MYO9A: variants seen among roughly 807,000 people sequenced by gnomAD.
MYO9A encodes the protein myosin IXA.
A neutral mutation model predicts 293.3 loss-of-function variants in MYO9A; 103 were observed. The ratio of observed to expected loss-of-function variants is 0.35; its 90% confidence interval spans 0.30 to 0.41. The LOEUF (loss-of-function observed/expected upper bound fraction) is 0.41. Among genes scored for constraint, MYO9A ranks in the 10% least tolerant of loss-of-function variants. The pLI, the probability that MYO9A is intolerant of heterozygous loss-of-function variation, is 1.00. For missense variants in MYO9A, 2,685 were observed against 3,033.0 expected (o/e 0.89, Z 2.69); for synonymous variants, 1,001 against 1,035.7 (o/e 0.97, Z 0.64).
At chr15:71,856,164 A>G (rs1223667247) in intron 34 of MYO9A, among the ~76,000 whole-genome samples, 1 of 152,044 alleles carries the variant, frequency 6.6e-6, no homozygotes, top group Non-Finnish European at 1.5e-5. Context: ...TACAAAAATT[A>G]GCCAGGCATA....
chr15:72,016,929 T>C (rs908831859), intron 6 of MYO9A, among the ~76,000 whole-genome samples: 3 of 151,458 alleles, frequency 2.0e-5, no homozygotes, highest in Non-Finnish European at 4.4e-5. Context: ...TTAAAGACCA[T>C]TATTAACCCC....
chr15:72,117,837 G>T lies in MYO9A; in HGVS notation c.-229C>A. The T allele has an allele frequency of 2.5e-6, 1 of 398,630 alleles. No individual in the cohort carries two copies. The highest frequency in any genetic ancestry group is 3.6e-5 in the East Asian group (1 of 28,058). The allele number at this position is 398,630 out of a possible 1,614,324, so 24.7% of individuals were successfully genotyped here. ...GGTGGGCCCAGCAGCCTCAGGGTCC[G>T]GGCGAGCGGCCGCGGCGCATCCCCC... On this transcript the variant is annotated 5_prime_UTR_variant, in exon 1 of 42. Transcript: ENST00000356056.
At position 71,867,798 on chromosome 15, in the gene MYO9A, TCACACACACACACACACACACACA is replaced by T. The variant is rs57300333; in HGVS notation, c.5980-5211_5980-5188del. Among the ~76,000 whole-genome samples the T allele has an allele frequency of 4.5e-4, 58 of 127,632 alleles. 1 individual carries two copies. Among genetic ancestry groups the T allele is most frequent in the African/African-American group, 1.5e-3 (50 of 33,704 alleles). 83.7% of individuals were successfully genotyped at this position (127,632 alleles called of 152,430 possible). ...CACTAATTTCAATTCTGGGAATCCA[TCACACACACACACACACACACACA>T]CACACACACACACACACACACACAC... On this transcript the variant is annotated intron_variant, in intron 32 of 41. Transcript: ENST00000356056.
chr15:71,887,539 C>T (rs1387803135), intron 27 of MYO9A, among the ~76,000 whole-genome samples: 1 of 152,048 alleles, frequency 6.6e-6, no homozygotes, highest in African/African-American at 2.4e-5. Flanking sequence ...GTTAGTTTCC[C>T]CATAAATTTA....
chr15:72,010,848 T>A (rs988857754), intron 6 of MYO9A, among the ~76,000 whole-genome samples: 1 of 152,160 alleles, frequency 6.6e-6, no homozygotes, highest in African/African-American at 2.4e-5. Flanking sequence ...TCAACAAATA[T>A]TTAACAAGTG....
intron 35 of MYO9A, 24 bp from the exon 36 acceptor site, chr15:71,852,284 T>C (rs763226327): frequency 6.3e-7 from 1 of 1,581,822 alleles, no homozygotes; most frequent in Non-Finnish European, 8.6e-7. Context: ...AGAGTTAGAT[T>C]AACAGAGCCA....
In MYO9A at chr15:71,969,002, C is replaced by G. The variant is rs554182256; in HGVS notation, c.1845-877G>C. On this transcript the variant is annotated intron_variant, in intron 12 of 41. Transcript: ENST00000356056. ...TAATTACATAGTATGCATTGCAAAC[C>G]ATACAGAGAATGGCCTTTAGCATCA... Among the ~76,000 whole-genome samples, 12 of 152,194 alleles carry G rather than the reference C, an allele frequency of 7.9e-5. 1 individual carries two copies. Among genetic ancestry groups the G allele is most frequent in the African/African-American group, 2.6e-4 (11 of 41,524 alleles).
chr15:71,913,045 G>T (rs762264185), intron 19 of MYO9A, among the ~76,000 whole-genome samples: 1 of 149,906 alleles, frequency 6.7e-6, no homozygotes, highest in Non-Finnish European at 1.5e-5. Context: ...AAAATATTTT[G>T]CTCATTATTT....
intron 11 of MYO9A, among the ~76,000 whole-genome samples, chr15:71,985,448 G>A (rs2076385935): frequency 6.6e-6 from 1 of 152,162 alleles, no homozygotes; most frequent in African/African-American, 2.4e-5. Flanking sequence ...TGGGAACTGA[G>A]ATGATTTTAA....
intron 1 of MYO9A, among the ~76,000 whole-genome samples, chr15:72,109,989 TAA>T (rs56010336): frequency 9.2e-5 from 13 of 140,726 alleles, no homozygotes; most frequent in Non-Finnish European, 1.4e-4. Context: ...TCCCTTACAT[TAA>T]AAAAAAAAAA....
chr15:72,032,731 C>G, intron 2 of MYO9A, 143 bp from the exon 3 acceptor site: 1 of 461,220 alleles, frequency 2.2e-6, no homozygotes, highest in Non-Finnish European at 3.7e-6. Context: ...TATGTTCAGA[C>G]TCATTCACAG....
At chr15:72,101,253 G>T (rs566601333) in intron 1 of MYO9A, among the ~76,000 whole-genome samples, 1 of 124,616 alleles carries the variant, frequency 8.0e-6, no homozygotes, top group African/African-American at 3.0e-5. Flanking sequence ...GGGGGGGTCA[G>T]CCCCCCGCCC....
At chr15:71,953,748 T>C (rs1329618254) in intron 14 of MYO9A, 1 of 152,224 alleles carries the variant, frequency 6.6e-6, no homozygotes, top group Non-Finnish European at 1.5e-5. Flanking sequence ...TGACATAATT[T>C]CTAAATCTTA....
intron 32 of MYO9A, among the ~76,000 whole-genome samples, chr15:71,863,243 AT>A (rs1239742033): frequency 6.6e-6 from 1 of 151,884 alleles, no homozygotes. Context: ...TAAAATATAT[AT>A]TTTTTTGTAA....
intron 12 of MYO9A, among the ~76,000 whole-genome samples, chr15:71,970,207 T>C (rs2075975058): frequency 6.6e-6 from 1 of 152,242 alleles, no homozygotes; most frequent in Non-Finnish European, 1.5e-5. Flanking sequence ...CTTTGAATAC[T>C]ATGGGAAGAT....
chr15:71,917,972 T>C (rs966582671), intron 18 of MYO9A, among the ~76,000 whole-genome samples: 2 of 151,956 alleles, frequency 1.3e-5, no homozygotes, highest in Admixed American at 1.3e-4. Context: ...TTATCATCTG[T>C]ATGTAAAAAA....
rs2059290171 is a variant in MYO9A at position 71,960,050 on chromosome 15, G to A, written c.2033C>T (p.Ala678Val). The A allele has an allele frequency of 6.2e-7, 1 of 1,613,848 alleles. No individual in the cohort carries two copies. The highest frequency in any genetic ancestry group is 8.5e-7 in the Non-Finnish European group (1 of 1,179,954). Reference sequence around the variant, plus strand: ...TGCATTCTTGCTGCTTCTCAGAAGAGCTACAATGTCTGGGCGCATATGATC... The same window carrying A: ...TGCATTCTTGCTGCTTCTCAGAAGAACTACAATGTCTGGGCGCATATGATC... ...NTDHMRPDIV[A>V]LLRSSKNAFI... The change falls in exon 14 of 42, where the codon GCT becomes GTT. Residue 678 changes from alanine to valine, a missense_variant. Ala to Val is a moderately conservative substitution (Grantham distance 64, BLOSUM62 0). Around this residue, in one of 10 missense-constraint regions of MYO9A, gnomAD observed 201 missense variants for 245.2 expected, o/e 0.82. Coordinates refer to ENST00000356056, the MANE Select transcript of MYO9A (RefSeq NM_006901.4).
At chr15:71,960,228 A>C in intron 13 of MYO9A, 132 bp from the exon 14 acceptor site, 2 of 762,546 alleles carry the variant, frequency 2.6e-6, no homozygotes, top group Non-Finnish European at 4.2e-6. Context: ...CATGGTGGAG[A>C]TGGGGCCTGG....
chr15:71,901,971 T>C (rs1007874663), intron 22 of MYO9A, among the ~76,000 whole-genome samples: 5 of 152,166 alleles, frequency 3.3e-5, no homozygotes, highest in Admixed American at 1.3e-4. Context: ...ATAAGTTTAT[T>C]TTATTTACTC....
Sources: allele counts gnomAD v4.1 joint callset (sites outside exome capture counted in the v4.1 genomes callset), GRCh38; gene constraint gnomAD v4.1.1; regional missense constraint gnomAD v4.1.1; transcripts MANE v1.5; gene names NCBI Gene and HGNC (gene_info 2026-07-23, HGNC 2026-07-21).